The following ITPRID2 variants were observed in gnomAD, a reference collection of about 807,000 sequenced individuals.
ITPRID2 encodes protein ITPRID2.
Under a neutral mutation model 124.3 loss-of-function variants are expected in ITPRID2, and 60 were observed. The ratio of observed to expected loss-of-function variants is 0.48; its 90% CI spans 0.39 to 0.60. ITPRID2 has a LOEUF of 0.60. ITPRID2 is among the 20% of genes least tolerant of loss of function. The probability of loss-of-function intolerance (pLI) is 0.00; values close to 1 mark genes in which losing one functional copy is unlikely to be tolerated. For synonymous variants in ITPRID2, 521 were observed against 542.9 expected, an observed-to-expected ratio of 0.96 and a Z score of 0.56; for missense variants, 1,553 against 1,512.2, an observed-to-expected ratio of 1.03 and a Z score of -0.45.
Position 181,891,919 on chromosome 2 carries a change from CCCTCCT to C in ITPRID2, c.-130_-125del, listed in dbSNP as rs554422909. ...TTCCTTCCCTCCCTCCCTCCCTGTC[CCCTCCT>C]CCTCCTCCTCCTCCTCCGGCGCCCG... On this transcript the variant is annotated 5_prime_UTR_variant, in exon 1 of 18. Transcript: ENST00000431877. 3.4e-5 allele frequency: 19 copies of C among 562,980 alleles called. No individual in the cohort carries two copies. Among genetic ancestry groups the C allele is most frequent in the Admixed American group, 6.6e-5 (2 of 30,206 alleles). 34.9% of individuals were successfully genotyped at this position (562,980 alleles called of 1,614,324 possible). A position where few individuals can be genotyped will look rare whatever the true frequency, so the allele number is the denominator to read the frequency against.
At chr2:181,912,727 G>T (rs1402317085) in intron 9 of ITPRID2, among the ~76,000 whole-genome samples, 1 of 152,168 alleles carries the variant, frequency 6.6e-6, no homozygotes, top group East Asian at 1.9e-4. Flanking sequence ...CTTGATGAAT[G>T]TAAGAACTGT....
intron 16 of ITPRID2, among the ~76,000 whole-genome samples, chr2:181,922,945 A>T (rs575342696): frequency 6.6e-6 from 1 of 152,192 alleles, no homozygotes; most frequent in Admixed American, 6.5e-5. Context: ...ACTGCATTTT[A>T]TAATTACAAT....
rs910621827 is a variant in ITPRID2, at chr2:181,930,510, G to A, written c.*963G>A. ...TTGGTTTTATATGTGTTAAATAAAT[G>A]TGTAAAGTAACCACCAAATGTTATT... On this transcript the variant is annotated 3_prime_UTR_variant, in exon 18 of 18. Coordinates refer to ENST00000431877, the MANE Select transcript of ITPRID2 (RefSeq NM_001130445.3). The A allele has an allele frequency of 1.3e-5, 2 of 152,468 alleles. No individual in the cohort carries two copies. The highest frequency in any genetic ancestry group is 4.8e-5 in the African/African-American group (2 of 41,424). The allele number at this position is 152,468 out of a possible 1,614,324, so 9.4% of individuals were successfully genotyped here.
chr2:181,898,829 G>GT (rs781284453), intron 4 of ITPRID2, 51 bp from the exon 5 acceptor site: 41 of 1,289,798 alleles, frequency 3.2e-5, no homozygotes, highest in Middle Eastern at 3.8e-4. Flanking sequence ...TATCATAGTA[G>GT]TTATAGTCCT....
intron 11 of ITPRID2, chr2:181,917,893 T>C (rs1694197105): frequency 6.6e-6 from 1 of 152,342 alleles, no homozygotes; most frequent in Admixed American, 6.5e-5. Context: ...GTGATCCTCC[T>C]GCCTTGGCCT....
rs1467404875 is a variant in ITPRID2 at position 181,899,024 on chromosome 2, T to G, written c.415T>G (p.Leu139Val). 1 of 1,610,366 alleles carries G rather than the reference T, an allele frequency of 6.2e-7. No individual in the cohort carries two copies. Among genetic ancestry groups the G allele is most frequent in the African/African-American group, 1.3e-5 (1 of 74,592 alleles). Reference protein sequence around the residue: ...DAQIENCNNILAKERRLQFHQ... With the variant: ...DAQIENCNNIVAKERRLQFHQ... ...TGATTTTGTTCGTAGCAATAATATC[T>G]TGGCCAAAGAGAGAAGATTACAGTT... The change falls in exon 6 of 18, where the codon TTG (leucine) becomes GTG (valine). Residue 139 changes from leucine to valine, a missense_variant. Coordinates refer to ENST00000431877, the MANE Select transcript of ITPRID2 (RefSeq NM_001130445.3).
Position 181,916,004 on chromosome 2 carries a change from G to A in ITPRID2, c.2364G>A (p.Met788Ile). 1.2e-6 allele frequency: 2 copies of A among 1,614,172 alleles called. No individual in the cohort carries two copies. Among genetic ancestry groups the A allele is most frequent in the Non-Finnish European group, 1.7e-6 (2 of 1,180,036 alleles). ...AGCAGGAATTGGAAAAGCGGGTGATGGAACATGATGGTCAGTCTTTAGTTA... is the reference window on the plus strand; with the variant it reads ...AGCAGGAATTGGAAAAGCGGGTGATAGAACATGATGGTCAGTCTTTAGTTA... The part of the protein sequence containing the change: ...EEEQELEKRV[M>I]EHDGQSLVKS... The change falls in exon 11 of 18, where the codon ATG becomes ATA. Residue 788 changes from methionine to isoleucine, a missense_variant. Physicochemically the swap from Met to Ile is conservative, Grantham distance 10. Coordinates refer to ENST00000431877, the MANE Select transcript of ITPRID2 (RefSeq NM_001130445.3).
rs765768410 is a variant in ITPRID2 at position 181,915,360 on chromosome 2, C to A, written c.1720C>A (p.Pro574Thr). 3 of 1,614,050 alleles carry A rather than the reference C, an allele frequency of 1.9e-6. No homozygotes were observed. Among genetic ancestry groups the A allele is most frequent in the Non-Finnish European group, 1.7e-6 (2 of 1,180,024 alleles). Residue 574 changes from proline (P) to threonine (T), a missense_variant, in exon 11 of 18, where the codon CCT (proline) becomes ACT (threonine). By Grantham distance (38) the Pro-to-Thr change is conservative (BLOSUM62 -1). Coordinates refer to ENST00000431877, the MANE Select transcript of ITPRID2 (RefSeq NM_001130445.3). ...TGAATCAGAGGAGGAGTCTCTTGTC[C>A]CTCTTCAGAAGGGACTAGAGAAGGC... ...FNESEEESLVPLQKGLEKAAA... is the reference protein window; with the variant it reads ...FNESEEESLVTLQKGLEKAAA...
rs766279130 is a variant in ITPRID2, at chr2:181,899,009, C to T, written c.405-5C>T. On this transcript the variant is annotated splice_polypyrimidine_tract_variant and splice_region_variant and intron_variant, in intron 5 of 17. Coordinates refer to ENST00000431877, the MANE Select transcript of ITPRID2 (RefSeq NM_001130445.3). ...AAGTTTTATATAATCTGATTTTGTT[C>T]GTAGCAATAATATCTTGGCCAAAGA... 1.9e-5 allele frequency: 30 copies of T among 1,605,708 alleles called. No individual in the cohort carries two copies. Among genetic ancestry groups the T allele is most frequent in the South Asian group, 4.5e-5 (4 of 89,632 alleles).
At chr2:181,897,122 A>T (rs181484777) in intron 4 of ITPRID2, among the ~76,000 whole-genome samples, 158 bp downstream of exon 4, 9 of 152,010 alleles carry the variant, frequency 5.9e-5, no homozygotes, top group Admixed American at 2.6e-4. Flanking sequence ...TTAATAATCT[A>T]GTCATAGTCT....
chr2:181,914,833 G>A (rs567572942), intron 10 of ITPRID2, among the ~76,000 whole-genome samples: 5 of 152,268 alleles, frequency 3.3e-5, no homozygotes, highest in South Asian at 2.1e-4. Flanking sequence ...GGAGGGATTC[G>A]CTTTGAGTTT....
intron 2 of ITPRID2, among the ~76,000 whole-genome samples, chr2:181,895,369 T>C (rs187844438): frequency 6.6e-6 from 1 of 152,230 alleles, no homozygotes; most frequent in Admixed American, 6.5e-5. Flanking sequence ...ATTTTAGCAA[T>C]GGCTAATCTT....
chr2:181,924,796 T>TA (rs1480438931), intron 16 of ITPRID2, among the ~76,000 whole-genome samples: 5 of 152,214 alleles, frequency 3.3e-5, no homozygotes. Flanking sequence ...TAGCTAAACT[T>TA]TTGTCATATT....
intron 9 of ITPRID2, among the ~76,000 whole-genome samples, chr2:181,913,056 ATT>A (rs1390383994): frequency 1.3e-5 from 2 of 151,738 alleles, no homozygotes; most frequent in African/African-American, 4.8e-5. Context: ...ACTGGCCTTA[ATT>A]GTATTTATTT....
chr2:181,910,111 A>G lies in ITPRID2; in HGVS notation c.1486+140A>G, dbSNP rs1574254450. On this transcript the variant is annotated intron_variant, in intron 9 of 17. Transcript: ENST00000431877. The surrounding 1 kb of genome is among the most constrained non-coding windows in gnomAD (Gnocchi z 4.1). ...CACACACAGGTAGGCATGATTCACT[A>G]TTGTTTGTAGAACTTTTTTTGTATT... is the stretch of plus-strand genomic sequence containing the variant. The G allele has an allele frequency of 1.2e-5, 7 of 582,110 alleles. No homozygotes were observed. Among genetic ancestry groups the G allele is most frequent in the Admixed American group, 3.6e-5 (1 of 28,010 alleles). 36.1% of individuals were successfully genotyped at this position (582,110 alleles called of 1,614,324 possible). A position where few individuals can be genotyped will look rare whatever the true frequency, so the allele number is the denominator to read the frequency against.
intron 10 of ITPRID2, among the ~76,000 whole-genome samples, chr2:181,914,152 C>A (rs1033418638): frequency 2.4e-4 from 36 of 152,170 alleles, no homozygotes; most frequent in African/African-American, 8.4e-4. Context: ...TCTATCTTCC[C>A]CTTAATTTTT....
chr2:181,892,029 C>A lies in ITPRID2; in HGVS notation c.-38C>A, dbSNP rs753780226. On this transcript the variant is annotated 5_prime_UTR_variant, in exon 1 of 18. Transcript: ENST00000431877. The surrounding 1 kb of genome is among the most constrained non-coding windows in gnomAD (Gnocchi z 5.2). ...GTCCCTGCCGCCGCCTTGTCTCGCGCAGGGTCCGGCTGGGGTAGCGGAGCC... is the reference window on the plus strand; with the variant it reads ...GTCCCTGCCGCCGCCTTGTCTCGCGAAGGGTCCGGCTGGGGTAGCGGAGCC... The A allele has an allele frequency of 9.9e-5, 153 of 1,540,296 alleles. No homozygotes were observed. The highest frequency in any genetic ancestry group is 1.3e-4 in the Non-Finnish European group (146 of 1,142,050).
At chr2:181,928,361 TG>T in intron 17 of ITPRID2, 83 bp downstream of exon 17, 2 of 825,958 alleles carry the variant, frequency 2.4e-6, no homozygotes, top group Non-Finnish European at 3.7e-6. Flanking sequence ...TATACAGGTT[TG>T]GTTCTCTAGT....
intron 16 of ITPRID2, among the ~76,000 whole-genome samples, chr2:181,925,315 C>A (rs887426175): frequency 2.0e-5 from 3 of 152,186 alleles, no homozygotes; most frequent in Admixed American, 6.5e-5. Flanking sequence ...TTCTCAATCT[C>A]AGGTAGTCTG....
Sources: gnomAD v4.1 joint callset for allele counts (sites outside exome capture counted in the v4.1 genomes callset) on GRCh38, gnomAD v4.1.1 for gene constraint, Gnocchi (gnomAD v3.1) non-coding constraint, MANE v1.5 for transcripts, NCBI Gene and HGNC (gene_info 2026-07-23, HGNC 2026-07-21) for gene names.